Variants in CHRM2 observed in about 807,000 individuals in gnomAD.
The protein encoded by CHRM2 is cholinergic receptor muscarinic 2.
A neutral mutation model predicts 25.0 loss-of-function variants in CHRM2; 8 were observed. The ratio of observed to expected loss-of-function variants is 0.32; its 90% CI spans 0.19 to 0.58. The LOEUF (loss-of-function observed/expected upper bound fraction) is 0.58, where lower values mean the gene tolerates loss of function less well. CHRM2 is among the 20% of genes least tolerant of loss of function. The pLI is 0.88. For missense variants in CHRM2, 440 were observed against 567.1 expected, an observed-to-expected ratio of 0.78 and a Z score of 2.28; for synonymous variants, 202 against 205.7, an observed-to-expected ratio of 0.98 and a Z score of 0.15.
chr7:136,878,099 G>A (rs1789861286), intron 2 of CHRM2, among the ~76,000 whole-genome samples: 1 of 151,966 alleles, frequency 6.6e-6, no homozygotes, highest in Non-Finnish European at 1.5e-5. Context: ...CTGTTACAAA[G>A]GGAAGAGCTT....
At chr7:136,931,214 G>C (rs1194053053) in intron 2 of CHRM2, among the ~76,000 whole-genome samples, 3 of 152,172 alleles carry the variant, frequency 2.0e-5, no homozygotes, top group Non-Finnish European at 4.4e-5. Flanking sequence ...ATTTAGGTAT[G>C]TTGGGGAAAT....
chr7:136,901,520 T>C (rs764648272), intron 2 of CHRM2, among the ~76,000 whole-genome samples: 6 of 152,012 alleles, frequency 3.9e-5, no homozygotes, highest in Non-Finnish European at 8.8e-5. Context: ...CCAAACAGAT[T>C]AGCAGATCTC....
At chr7:137,009,987 A>G (rs548198190) in intron 3 of CHRM2, among the ~76,000 whole-genome samples, 1 of 151,996 alleles carries the variant, frequency 6.6e-6, no homozygotes, top group African/African-American at 2.4e-5. Context: ...TGATAATTCT[A>G]TACTCACTTG....
chr7:136,929,890 A>G (rs1000777362), intron 2 of CHRM2, among the ~76,000 whole-genome samples: 1 of 152,140 alleles, frequency 6.6e-6, no homozygotes, highest in Non-Finnish European at 1.5e-5. Flanking sequence ...AAATAATTCA[A>G]TCAGTAAAAA....
chr7:136,956,003 G>C (rs1251375093), intron 2 of CHRM2, among the ~76,000 whole-genome samples: 1 of 152,046 alleles, frequency 6.6e-6, no homozygotes, highest in Non-Finnish European at 1.5e-5. Context: ...TATTTACTGA[G>C]TAACTTCCCT....
intron 2 of CHRM2, among the ~76,000 whole-genome samples, chr7:136,976,811 A>G (rs2130954184): frequency 6.6e-6 from 1 of 152,290 alleles, no homozygotes; most frequent in South Asian, 2.1e-4. Flanking sequence ...GCAGGGATTA[A>G]TCTCACCACT....
intron 2 of CHRM2, among the ~76,000 whole-genome samples, chr7:136,955,481 C>T (rs1398216045): frequency 6.6e-6 from 1 of 152,178 alleles, no homozygotes; most frequent in African/African-American, 2.4e-5. Flanking sequence ...ATACATTCAA[C>T]CTTATGCACT....
At chr7:136,892,004 A>G (rs1052797983) in intron 2 of CHRM2, among the ~76,000 whole-genome samples, 2 of 152,214 alleles carry the variant, frequency 1.3e-5, no homozygotes, top group African/African-American at 4.8e-5. Flanking sequence ...CAGAAACAAC[A>G]GCTGTCTAAT....
rs577821797 is a variant in CHRM2 at position 137,007,256 on chromosome 7, A to C, written c.-46-7564A>C. On this transcript the variant is annotated intron_variant, in intron 3 of 3. Transcript: ENST00000680005. ...GTTGTTTTAGAAAATTGGAAATTTC[A>C]CCAGCAATTTGTATCTCCCCTAGAC... is the stretch of plus-strand genomic sequence containing the variant. Among the ~76,000 whole-genome samples, 10 of 152,248 alleles carry C rather than the reference A, an allele frequency of 6.6e-5. No individual in the cohort carries two copies. In the East Asian group the frequency reaches 1.6e-3, roughly 24 times the overall value.
At chr7:136,933,063 T>TAAATAAATAAAA (rs1227268772) in intron 2 of CHRM2, among the ~76,000 whole-genome samples, 2 of 151,848 alleles carry the variant, frequency 1.3e-5, no homozygotes, top group African/African-American at 4.8e-5. Context: ...AATAAATAAA[T>TAAATAAATAAAA]AATTTTTTTA....
chr7:136,940,349 T>G (rs1212393016), intron 2 of CHRM2, among the ~76,000 whole-genome samples: 1 of 152,236 alleles, frequency 6.6e-6, no homozygotes, highest in Non-Finnish European at 1.5e-5. Context: ...GGAAGCCTTC[T>G]GTAGTGATTA....
At chr7:136,955,342 C>G (rs1291661928) in intron 2 of CHRM2, among the ~76,000 whole-genome samples, 1 of 152,110 alleles carries the variant, frequency 6.6e-6, no homozygotes, top group African/African-American at 2.4e-5. Flanking sequence ...AGTACTATTA[C>G]TCTGGGGCTT....
chr7:136,954,979 C>T (rs1800634990), intron 2 of CHRM2, among the ~76,000 whole-genome samples: 1 of 152,180 alleles, frequency 6.6e-6, no homozygotes, highest in African/African-American at 2.4e-5. Flanking sequence ...CTCCTCTTCC[C>T]ACTTTGGGCC....
intron 2 of CHRM2, among the ~76,000 whole-genome samples, chr7:136,882,207 T>C: frequency 6.6e-6 from 1 of 152,076 alleles, no homozygotes; most frequent in East Asian, 1.9e-4. Flanking sequence ...AACCCACTTA[T>C]TTAACTTGAC....
intron 2 of CHRM2, chr7:136,907,052 C>T (rs1402696573): frequency 2.0e-5 from 3 of 151,508 alleles, no homozygotes; most frequent in Admixed American, 6.6e-5. Context: ...ATATGCAGCT[C>T]GCAATAGGGT....
chr7:136,910,173 T>C (rs565806777), intron 2 of CHRM2, among the ~76,000 whole-genome samples: 18 of 151,902 alleles, frequency 1.2e-4, no homozygotes, highest in Non-Finnish European at 2.5e-4. Context: ...AAGATGCCTG[T>C]TTAATCACCT....
rs192250090 is a variant in CHRM2 at position 137,002,507 on chromosome 7, G to A, written c.-47+10243G>A. Among the ~76,000 whole-genome samples, 42 of 152,242 alleles carry A rather than the reference G, an allele frequency of 2.8e-4. No homozygotes were observed. The East Asian group carries it at 6.6e-3, about 24-fold the overall frequency. ...TAGATTTACTAAGTAATCTTTCATA[G>A]ATCTACAGCAAGAATTTTAAATAGA... On this transcript the variant is annotated intron_variant, in intron 3 of 3. Transcript: ENST00000680005.
intron 2 of CHRM2, among the ~76,000 whole-genome samples, chr7:136,968,095 G>A (rs1249580084): frequency 2.0e-5 from 3 of 151,962 alleles, no homozygotes; most frequent in Non-Finnish European, 4.4e-5. Flanking sequence ...TATACAATGT[G>A]TTGTTCTGAT....
intron 2 of CHRM2, among the ~76,000 whole-genome samples, chr7:136,931,831 C>T (rs998257885): frequency 6.6e-6 from 1 of 152,180 alleles, no homozygotes; most frequent in Non-Finnish European, 1.5e-5. Context: ...TCCAGATATC[C>T]AGTTTCCCAA....
Sources: gnomAD v4.1 joint callset for allele counts (sites outside exome capture counted in the v4.1 genomes callset) on GRCh38, gnomAD v4.1.1 for gene constraint, MANE v1.5 for transcripts, NCBI Gene and HGNC (gene_info 2026-07-23, HGNC 2026-07-21) for gene names.